Variants in CPED1 observed in about 807,000 individuals in gnomAD.
The protein encoded by CPED1 is cadherin like and PC-esterase domain containing 1, also known as cadherin-like and PC-esterase domain-containing protein 1.
Under a neutral mutation model 128.2 loss-of-function variants are expected in CPED1, and 114 were observed. The ratio of observed to expected loss-of-function variants is 0.89; its 90% CI spans 0.76 to 1.04. The LOEUF is 1.04. Ranked by LOEUF, CPED1 falls within the 50% of genes least tolerant of loss-of-function variation. The probability of loss-of-function intolerance (pLI) is 0.00; values close to 1 mark genes in which losing one functional copy is unlikely to be tolerated. For synonymous variants in CPED1, 462 were observed against 426.7 expected, an observed-to-expected ratio of 1.08 and a Z score of -1.02; for missense variants, 1,211 against 1,207.1, an observed-to-expected ratio of 1.00 and a Z score of -0.05.
At chr7:121,172,054 T>C (rs1487219063) in intron 16 of CPED1, among the ~76,000 whole-genome samples, 1 of 152,064 alleles carries the variant, frequency 6.6e-6, no homozygotes, top group Non-Finnish European at 1.5e-5. Context: ...ATTGGTGAAA[T>C]GGAGCTGGAA....
chr7:121,258,634 CT>C (rs1791943821), intron 18 of CPED1, among the ~76,000 whole-genome samples: 1 of 152,060 alleles, frequency 6.6e-6, no homozygotes, highest in Non-Finnish European at 1.5e-5. Flanking sequence ...CAATGGAGTG[CT>C]AAGAAGGCAG....
At position 121,276,618 on chromosome 7, in the gene CPED1, A is replaced by G. The variant is rs74325018; in HGVS notation, c.2868+5188A>G. On this transcript the variant is annotated intron_variant, in intron 22 of 22. Transcript: ENST00000310396. Reference sequence around the variant, plus strand: ...GTGAAACACCAAGAAGAGGCACTCAATCTAAGGATTAAGTGTTTCTTCTTG... The same window carrying G: ...GTGAAACACCAAGAAGAGGCACTCAGTCTAAGGATTAAGTGTTTCTTCTTG... Among the ~76,000 whole-genome samples, 8 of 152,284 alleles carry G rather than the reference A, an allele frequency of 5.3e-5. No homozygotes were observed. The East Asian group carries it at 1.5e-3, about 29-fold the overall frequency.
intron 5 of CPED1, among the ~76,000 whole-genome samples, chr7:121,083,126 AG>A (rs1182474089): frequency 2.0e-5 from 3 of 152,176 alleles, no homozygotes; most frequent in African/African-American, 7.2e-5. Context: ...CTCCTCCTTG[AG>A]GGTCCTCCTT....
chr7:121,083,631 T>C (rs1345696770), intron 5 of CPED1: 1 of 152,086 alleles, frequency 6.6e-6, no homozygotes, highest in African/African-American at 2.4e-5. Context: ...AGCAGGGAGG[T>C]ACAGATGGAG....
chr7:121,079,045 C>T (rs1293115444), intron 5 of CPED1, among the ~76,000 whole-genome samples: 1 of 152,160 alleles, frequency 6.6e-6, no homozygotes, highest in Non-Finnish European at 1.5e-5. Flanking sequence ...CTCAGGACAT[C>T]AGCCATATTG....
intron 22 of CPED1, among the ~76,000 whole-genome samples, chr7:121,274,892 A>AAAAAGTT (rs1792301907): frequency 6.6e-6 from 1 of 152,156 alleles, no homozygotes; most frequent in African/African-American, 2.4e-5. Context: ...TCTCATGTCT[A>AAAAAGTT]AAAAGTTAAA....
chr7:121,033,627 T>C (rs1463032367), intron 3 of CPED1, among the ~76,000 whole-genome samples: 1 of 152,222 alleles, frequency 6.6e-6, no homozygotes, highest in Non-Finnish European at 1.5e-5. Context: ...TATTAGATTA[T>C]CTATTGTTTG....
At chr7:121,097,293 T>G (rs1794722718) in intron 5 of CPED1, among the ~76,000 whole-genome samples, 1 of 152,142 alleles carries the variant, frequency 6.6e-6, no homozygotes, top group Non-Finnish European at 1.5e-5. Flanking sequence ...CATTGTATTG[T>G]CAGGAAATCA....
intron 5 of CPED1, among the ~76,000 whole-genome samples, chr7:121,067,648 C>G (rs1329604471): frequency 2.0e-5 from 3 of 152,218 alleles, no homozygotes; most frequent in South Asian, 2.1e-4. Context: ...ATGGCTGGGT[C>G]GAATGGTATT....
At chr7:121,188,846 A>G (rs1042246590) in intron 16 of CPED1, among the ~76,000 whole-genome samples, 28 of 152,148 alleles carry the variant, frequency 1.8e-4, no homozygotes, top group Non-Finnish European at 1.5e-5. Context: ...CCATTATGTC[A>G]TTGGCAAGAA....
At chr7:121,081,419 C>G (rs144074872) in intron 5 of CPED1, among the ~76,000 whole-genome samples, 2 of 152,240 alleles carry the variant, frequency 1.3e-5, no homozygotes, top group African/African-American at 4.8e-5. Flanking sequence ...GGGAGAGAAG[C>G]ATGAACTCTA....
chr7:121,268,198 C>A (rs920500721), intron 21 of CPED1, among the ~76,000 whole-genome samples: 1 of 151,952 alleles, frequency 6.6e-6, no homozygotes, highest in Non-Finnish European at 1.5e-5. Context: ...GGATTGAATC[C>A]CTTTAATGTT....
At chr7:121,179,033 A>G (rs1212350251) in intron 16 of CPED1, among the ~76,000 whole-genome samples, 1 of 152,060 alleles carries the variant, frequency 6.6e-6, no homozygotes, top group African/African-American at 2.4e-5. Context: ...ACAAGGTCAG[A>G]GATATGGGAG....
At chr7:121,010,315 G>A (rs1266683258) in intron 2 of CPED1, among the ~76,000 whole-genome samples, 1 of 152,002 alleles carries the variant, frequency 6.6e-6, no homozygotes, top group Non-Finnish European at 1.5e-5. Flanking sequence ...GCAGTGGCAC[G>A]ATCTCAGCTC....
chr7:121,082,005 T>C lies in CPED1; in HGVS notation c.617-15694T>C, dbSNP rs536157216. 2.0e-5 allele frequency among the ~76,000 whole-genome samples: 3 copies of C among 152,284 alleles called. No individual in the cohort carries two copies. The South Asian group carries it at 6.2e-4, about 32-fold the overall frequency. On this transcript the variant is annotated intron_variant, in intron 5 of 22. Transcript: ENST00000310396. The stretch of plus-strand genomic sequence containing the variant: ...GAGCATCTATGAGAATGTATGTATG[T>C]ATGTTTTGATATGAATTTTAACCCT...
intron 5 of CPED1, among the ~76,000 whole-genome samples, chr7:121,089,732 A>G (rs1369363862): frequency 1.3e-5 from 2 of 152,294 alleles, no homozygotes; most frequent in Non-Finnish European, 2.9e-5. Context: ...CTGCCATTCT[A>G]TTATCATATT....
chr7:121,273,087 T>A (rs551590552), intron 22 of CPED1, among the ~76,000 whole-genome samples: 1 of 152,264 alleles, frequency 6.6e-6, no homozygotes, highest in African/African-American at 2.4e-5. Flanking sequence ...CCTCATTTTA[T>A]CTTTCTATTA....
rs546566892 is a variant in CPED1 at position 121,131,829 on chromosome 7, G to A, written c.1577+1535G>A. ...TATACTATGAACTATGTATATTTCA[G>A]TATGATTACATAAAATTTCATTTGC... On this transcript the variant is annotated intron_variant, in intron 12 of 22. Transcript: ENST00000310396. Among the ~76,000 whole-genome samples the A allele has an allele frequency of 5.9e-5, 9 of 152,036 alleles. No individual in the cohort carries two copies. In the East Asian group the frequency reaches 1.5e-3, roughly 26 times the overall value.
At chr7:121,144,559 TGGTTGTTAATG>T (rs920575461) in intron 16 of CPED1, among the ~76,000 whole-genome samples, 10 of 151,650 alleles carry the variant, frequency 6.6e-5, no homozygotes, top group African/African-American at 2.4e-4. Flanking sequence ...GGATGAAGAG[TGGTTGTTAATG>T]GGCACAAAAA....
Sources: allele counts gnomAD v4.1 joint callset (sites outside exome capture counted in the v4.1 genomes callset), GRCh38; gene constraint gnomAD v4.1.1; transcripts MANE v1.5; gene names NCBI Gene and HGNC (gene_info 2026-07-23, HGNC 2026-07-21).